Variants in MAGI1 observed in about 807,000 individuals in gnomAD.
The protein encoded by MAGI1 is membrane-associated guanylate kinase, WW and PDZ domain-containing protein 1.
In MAGI1, 58 loss-of-function variants were observed where a neutral mutation model predicts 139.9. The observed-to-expected ratio is 0.41, with a 90% confidence interval of 0.34 to 0.52. The LOEUF (loss-of-function observed/expected upper bound fraction) is 0.52. Among genes scored for constraint, MAGI1 ranks in the 20% least tolerant of loss-of-function variants. MAGI1 has a pLI of 0.12. For synonymous variants in MAGI1, 812 were observed against 737.9 expected (o/e 1.10, Z -1.63); for missense variants, 1,874 against 1,901.6 (o/e 0.99, Z 0.27).
chr3:65,973,091 A>C (rs2065085614), intron 1 of MAGI1, among the ~76,000 whole-genome samples: 1 of 152,120 alleles, frequency 6.6e-6, no homozygotes, highest in East Asian at 1.9e-4. Context: ...TGGAGGCTGC[A>C]GTGAGCTATG....
chr3:65,402,297 G>T (rs1398646182), intron 12 of MAGI1, among the ~76,000 whole-genome samples: 1 of 152,156 alleles, frequency 6.6e-6, no homozygotes, highest in Non-Finnish European at 1.5e-5. Context: ...GAATCCAGCT[G>T]GCTCTTCCAA....
chr3:65,726,405 T>C (rs2033612174), intron 1 of MAGI1, among the ~76,000 whole-genome samples: 1 of 152,184 alleles, frequency 6.6e-6, no homozygotes, highest in Non-Finnish European at 1.5e-5. Flanking sequence ...TGAATAACTA[T>C]TGCAATGTAC....
chr3:65,742,415 G>A (rs2035350045), intron 1 of MAGI1, among the ~76,000 whole-genome samples: 2 of 152,196 alleles, frequency 1.3e-5, no homozygotes, highest in Non-Finnish European at 1.5e-5. Flanking sequence ...TGTAGAGCAA[G>A]TAAGGGCTTC....
chr3:65,830,789 T>C (rs2108293830), intron 1 of MAGI1, among the ~76,000 whole-genome samples: 1 of 152,238 alleles, frequency 6.6e-6, no homozygotes, highest in Middle Eastern at 3.4e-3. Context: ...AAGGTAAATA[T>C]AAAGAAACAA....
chr3:65,862,804 T>C (rs931732068), intron 1 of MAGI1, among the ~76,000 whole-genome samples: 3 of 152,224 alleles, frequency 2.0e-5, no homozygotes, highest in Non-Finnish European at 4.4e-5. Flanking sequence ...ACCTGCTAAT[T>C]AGAAACACCT....
chr3:65,564,050 C>A (rs995252587), intron 2 of MAGI1, among the ~76,000 whole-genome samples: 3 of 152,060 alleles, frequency 2.0e-5, no homozygotes, highest in Non-Finnish European at 4.4e-5. Context: ...TCCTAGGGAA[C>A]AAGATGCATA....
At chr3:65,590,361 ATTTG>A (rs2081914103) in intron 2 of MAGI1, among the ~76,000 whole-genome samples, 1 of 152,062 alleles carries the variant, frequency 6.6e-6, no homozygotes, top group African/African-American at 2.4e-5. Context: ...CATAACAACT[ATTTG>A]TTTGATTAAT....
intron 2 of MAGI1, chr3:65,619,984 A>AAGACAGAG (rs1257855036): frequency 1.6e-5 from 16 of 985,296 alleles, no homozygotes; most frequent in Non-Finnish European, 1.8e-5. Flanking sequence ...CTGTTTTTAA[A>AAGACAGAG]AGACAGAGTT....
At chr3:65,810,261 T>G (rs1016319547) in intron 1 of MAGI1, among the ~76,000 whole-genome samples, 1 of 152,244 alleles carries the variant, frequency 6.6e-6, no homozygotes, top group African/African-American at 2.4e-5. Flanking sequence ...CCCAAAGACA[T>G]TCAATTCATG....
rs1039723007 is a variant in MAGI1 at position 65,429,779 on chromosome 3, G to A, written c.1908C>T (p.Ala636=). The A allele has an allele frequency of 5.0e-6, 8 of 1,613,840 alleles. No individual in the cohort carries two copies. The highest frequency in any genetic ancestry group is 6.8e-6 in the Non-Finnish European group (8 of 1,179,976). The change falls in exon 12 of 23, where the codon GCC becomes GCT. Residue 636 remains alanine, a synonymous_variant. Transcript: ENST00000402939. Reference sequence around the variant, plus strand: ...GAACAGTTATGAGTTCTGGCTGAGTGGCTATGGAGGAAGCCAAAGAAACAG... The same window carrying A: ...GAACAGTTATGAGTTCTGGCTGAGTAGCTATGGAGGAAGCCAAAGAAACAG... ...NDTVSLASSI[A]TQPELITVHI...
chr3:65,731,125 C>T (rs796385661), intron 1 of MAGI1, among the ~76,000 whole-genome samples: 1 of 152,148 alleles, frequency 6.6e-6, no homozygotes, highest in South Asian at 2.1e-4. Context: ...AAACATATAA[C>T]CCATACCCCA....
chr3:65,373,421 ATAATAATAAT>A (rs1333625233), intron 18 of MAGI1, among the ~76,000 whole-genome samples: 5 of 152,176 alleles, frequency 3.3e-5, no homozygotes, highest in Non-Finnish European at 5.9e-5. Flanking sequence ...CACAGCAGAT[ATAATAATAAT>A]TAATACTAAT....
intron 1 of MAGI1, among the ~76,000 whole-genome samples, chr3:65,907,055 CAA>C (rs35828237): frequency 1.0e-4 from 12 of 115,888 alleles, no homozygotes; most frequent in East Asian, 4.7e-4. Flanking sequence ...CTCTTGTTTA[CAA>C]AAAAAAAAAA....
At chr3:65,705,472 T>C (rs982967642) in intron 1 of MAGI1, among the ~76,000 whole-genome samples, 1 of 152,262 alleles carries the variant, frequency 6.6e-6, no homozygotes, top group African/African-American at 2.4e-5. Context: ...GTTAAGTTTG[T>C]GTTATGTGAA....
intron 1 of MAGI1, among the ~76,000 whole-genome samples, chr3:65,955,162 G>T (rs914207136): frequency 3.3e-5 from 5 of 152,102 alleles, no homozygotes; most frequent in African/African-American, 4.8e-5. Context: ...CAGGGAGGAG[G>T]GGGGAAGCGA....
At chr3:65,721,144 C>T (rs1041995985) in intron 1 of MAGI1, among the ~76,000 whole-genome samples, 1 of 152,144 alleles carries the variant, frequency 6.6e-6, no homozygotes, top group Non-Finnish European at 1.5e-5. Flanking sequence ...GTGAGACCAA[C>T]GCCCTATTGC....
chr3:65,708,458 A>G (rs968632337), intron 1 of MAGI1, among the ~76,000 whole-genome samples: 1 of 152,190 alleles, frequency 6.6e-6, no homozygotes, highest in Non-Finnish European at 1.5e-5. Context: ...GAAGAAGCAG[A>G]GACGGACTGG....
At chr3:65,701,630 C>G (rs1335167996) in intron 1 of MAGI1, among the ~76,000 whole-genome samples, 1 of 151,976 alleles carries the variant, frequency 6.6e-6, no homozygotes, top group East Asian at 1.9e-4. Context: ...GCTTCCAAGA[C>G]AGACCCCAAA....
chr3:65,856,336 T>G (rs2059378015), intron 1 of MAGI1, among the ~76,000 whole-genome samples: 1 of 152,080 alleles, frequency 6.6e-6, no homozygotes, highest in South Asian at 2.1e-4. Context: ...ACCAATCAAA[T>G]GCACAGCTTA....
Sources: allele counts gnomAD v4.1 joint callset (sites outside exome capture counted in the v4.1 genomes callset), GRCh38; gene constraint gnomAD v4.1.1; transcripts MANE v1.5; gene names NCBI Gene and HGNC (gene_info 2026-07-23, HGNC 2026-07-21).